The following CAMTA1 variants were observed in gnomAD, a reference collection of about 807,000 sequenced individuals.
CAMTA1 encodes calmodulin-binding transcription activator 1.
A neutral mutation model predicts 170.9 loss-of-function variants in CAMTA1; 27 were observed. The ratio of observed to expected loss-of-function variants is 0.16; its 90% CI spans 0.12 to 0.22. The LOEUF (loss-of-function observed/expected upper bound fraction) is 0.22. Ranked by LOEUF, CAMTA1 falls within the 10% of genes least tolerant of loss-of-function variation. CAMTA1 has a pLI of 1.00. For synonymous variants in CAMTA1, 833 were observed against 891.5 expected (o/e 0.93, Z 1.17); for missense variants, 1,619 against 2,217.2 (o/e 0.73, Z 5.42).
chr1:6,862,039 T>C (rs943969664), intron 3 of CAMTA1, among the ~76,000 whole-genome samples: 1 of 151,728 alleles, frequency 6.6e-6, no homozygotes, highest in African/African-American at 2.4e-5. Context: ...CTTGGCTCAC[T>C]GCAACCCCTG....
At chr1:7,175,175 G>A (rs1650530074) in intron 4 of CAMTA1, among the ~76,000 whole-genome samples, 1 of 152,112 alleles carries the variant, frequency 6.6e-6, no homozygotes, top group African/African-American at 2.4e-5. Context: ...CACTTTTCAG[G>A]TGTCCAGGTG....
rs1461547268 is a variant in CAMTA1 at position 7,456,867 on chromosome 1, A to AC, written c.439-10960dup. 7.4e-4 allele frequency among the ~76,000 whole-genome samples: 112 copies of AC among 152,242 alleles called. No homozygotes were observed. Among genetic ancestry groups the AC allele is most frequent in the African/African-American group, 2.3e-3 (97 of 41,548 alleles). ...GAGAGTGGCCAGGTTCCTGGACGTG[A>AC]CCCTAAGCAGCAGGCGCTAGAGCTG... On this transcript the variant is annotated intron_variant, in intron 5 of 22. Transcript: ENST00000303635. The surrounding 1 kb of genome is among the most constrained non-coding windows in gnomAD (Gnocchi z 4.9).
intron 11 of CAMTA1, among the ~76,000 whole-genome samples, chr1:7,727,326 G>A (rs531924936): frequency 6.6e-6 from 1 of 152,216 alleles, no homozygotes; most frequent in South Asian, 2.1e-4. Flanking sequence ...GTTTCACCGT[G>A]TTAGCCAGGA....
chr1:7,312,396 C>T (rs1051918071), intron 5 of CAMTA1, among the ~76,000 whole-genome samples: 3 of 28,176 alleles, frequency 1.1e-4, no homozygotes, highest in African/African-American at 5.8e-4. Flanking sequence ...CAGAGCTTAC[C>T]GTGGCTCTCT....
At chr1:7,691,040 C>T (rs1184120818) in intron 11 of CAMTA1, among the ~76,000 whole-genome samples, 1 of 152,200 alleles carries the variant, frequency 6.6e-6, no homozygotes, top group African/African-American at 2.4e-5. Context: ...ACGAGCTTCC[C>T]GTCCAGGGGA....
intron 3 of CAMTA1, among the ~76,000 whole-genome samples, chr1:6,898,297 T>C (rs1676100056): frequency 6.6e-6 from 1 of 152,110 alleles, no homozygotes; most frequent in Non-Finnish European, 1.5e-5. Context: ...CTCAAACCTG[T>C]AATCTCAGCA....
chr1:7,430,425 A>G (rs977097476), intron 5 of CAMTA1, among the ~76,000 whole-genome samples: 4 of 151,918 alleles, frequency 2.6e-5, no homozygotes, highest in Non-Finnish European at 4.4e-5. Flanking sequence ...GATGATGATG[A>G]TGGTGGAGGT....
At chr1:7,057,446 T>C (rs1707523064) in intron 3 of CAMTA1, among the ~76,000 whole-genome samples, 1 of 152,212 alleles carries the variant, frequency 6.6e-6, no homozygotes, top group Non-Finnish European at 1.5e-5. Context: ...GCTTGGCTGA[T>C]TCTCAGGGCG....
intron 5 of CAMTA1, among the ~76,000 whole-genome samples, chr1:7,415,419 C>A (rs1307824189): frequency 2.6e-5 from 4 of 151,954 alleles, no homozygotes; most frequent in African/African-American, 7.2e-5. Context: ...TCACTCAGGA[C>A]TTGCTTTATG....
intron 11 of CAMTA1, among the ~76,000 whole-genome samples, chr1:7,704,133 G>C (rs1056758410): frequency 6.6e-6 from 1 of 151,116 alleles, no homozygotes; most frequent in Non-Finnish European, 1.5e-5. Context: ...CGCAGCGCCG[G>C]CTCCTCCCGC....
At position 7,664,665 on chromosome 1, in the gene CAMTA1, G is replaced by A; in HGVS notation, c.2118G>A (p.Lys706=). ...QAAEGSEVLL[K]SGELQACSSE... Reference sequence around the variant, plus strand: ...CGGAAGGGAGCGAGGTCCTGCTCAAGTCTGGGGAGCTGCAGGCTTGCAGCT... The same window carrying A: ...CGGAAGGGAGCGAGGTCCTGCTCAAATCTGGGGAGCTGCAGGCTTGCAGCT... The change falls in exon 9 of 23, where the codon AAG becomes AAA. Residue 706 remains lysine (K), a synonymous_variant. Coordinates refer to ENST00000303635, the MANE Select transcript of CAMTA1 (RefSeq NM_015215.4). The A allele has an allele frequency of 6.2e-7, 1 of 1,605,326 alleles. No homozygotes were observed. The highest frequency in any genetic ancestry group is 1.1e-5 in the South Asian group (1 of 90,900).
chr1:7,751,362 G>A lies in CAMTA1; in HGVS notation c.4853G>A (p.Arg1618Gln), dbSNP rs779607705. Residue 1618 changes from arginine to glutamine, a missense_variant, in exon 20 of 23, where the codon CGG (arginine) becomes CAG (glutamine). By Grantham distance (43) the Arg-to-Gln change is conservative. This residue lies in a region of CAMTA1 where 128 missense variants were observed against 213.5 expected (regional missense o/e 0.60). Transcript: ENST00000303635. ...KKCGKRRQAR[R>Q]TAVIVQQKLR... ...TGTGGCAAAAGACGGCAGGCTCGCCGGACGGCTGTGATTGTACAACAGAAA... is the reference window on the plus strand; with the variant it reads ...TGTGGCAAAAGACGGCAGGCTCGCCAGACGGCTGTGATTGTACAACAGAAA... 1.8e-5 allele frequency: 29 copies of A among 1,606,172 alleles called. No individual in the cohort carries two copies. Among genetic ancestry groups the A allele is most frequent in the South Asian group, 6.7e-5 (6 of 89,902 alleles).
chr1:7,139,405 C>T (rs1645762078), intron 4 of CAMTA1, among the ~76,000 whole-genome samples: 1 of 150,156 alleles, frequency 6.7e-6, no homozygotes, highest in South Asian at 2.1e-4. Context: ...ATGCTGGTGC[C>T]TCTAGACCTT....
At chr1:7,230,824 C>T (rs1289436803) in intron 4 of CAMTA1, among the ~76,000 whole-genome samples, 1 of 152,048 alleles carries the variant, frequency 6.6e-6, no homozygotes, top group Non-Finnish European at 1.5e-5. Context: ...GACTGGCGCC[C>T]GCAATGTCTC....
intron 5 of CAMTA1, among the ~76,000 whole-genome samples, chr1:7,261,933 A>T (rs1190297112): frequency 6.6e-6 from 1 of 152,180 alleles, no homozygotes; most frequent in Non-Finnish European, 1.5e-5. Flanking sequence ...TAAATTGGGA[A>T]ACCCCAAGAC....
rs567367090 is a variant in CAMTA1 at position 7,342,383 on chromosome 1, A to G, written c.438+92757A>G. 5.9e-5 allele frequency among the ~76,000 whole-genome samples: 9 copies of G among 152,222 alleles called. No individual in the cohort carries two copies. The South Asian group carries it at 1.9e-3, about 32-fold the overall frequency. ...TCATGGTTCCAGGATTGCCCTGATG[A>G]GCCATCATGGGGGCACAGCAGCAGG... On this transcript the variant is annotated intron_variant, in intron 5 of 22. Coordinates refer to ENST00000303635, the MANE Select transcript of CAMTA1 (RefSeq NM_015215.4).
At chr1:7,359,252 C>CCG (rs1553146147) in intron 5 of CAMTA1, among the ~76,000 whole-genome samples, 1 of 151,786 alleles carries the variant, frequency 6.6e-6, no homozygotes, top group African/African-American at 2.4e-5. Flanking sequence ...TTCCTCATCT[C>CCG]TGCCATGTGC....
chr1:7,415,023 A>G (rs1464423280), intron 5 of CAMTA1, among the ~76,000 whole-genome samples: 4 of 151,384 alleles, frequency 2.6e-5, no homozygotes, highest in Non-Finnish European at 4.4e-5. Context: ...TGTACCCAGT[A>G]GTCATTCAGG....
At chr1:6,961,416 G>A (rs1828308) in intron 3 of CAMTA1, among the ~76,000 whole-genome samples, 75,428 of 151,836 alleles carry the variant, frequency 0.5, 19,084 homozygotes, top group East Asian at 0.63. Flanking sequence ...GACCGTGTAG[G>A]GAATTGGGGT....
Sources: gnomAD v4.1 joint callset for allele counts (sites outside exome capture counted in the v4.1 genomes callset) on GRCh38, gnomAD v4.1.1 for gene constraint, gnomAD v4.1.1 regional missense constraint, Gnocchi (gnomAD v3.1) non-coding constraint, MANE v1.5 for transcripts, NCBI Gene and HGNC (gene_info 2026-07-23, HGNC 2026-07-21) for gene names.